Variants in CCNY observed in about 807,000 individuals in gnomAD.
CCNY encodes cyclin Y.
Under a neutral mutation model 42.8 loss-of-function variants are expected in CCNY, and 19 were observed. The observed-to-expected ratio is 0.44, with a 90% CI of 0.31 to 0.65. The LOEUF (loss-of-function observed/expected upper bound fraction) is 0.65. Ranked by LOEUF, CCNY falls within the 30% of genes least tolerant of loss-of-function variation. The pLI is 0.07. For synonymous variants in CCNY, 165 were observed against 162.7 expected (o/e 1.01, Z -0.11); for missense variants, 370 against 437.3 (o/e 0.85, Z 1.37).
intron 1 of CCNY, among the ~76,000 whole-genome samples, chr10:35,362,386 C>A (rs558597123): frequency 6.6e-6 from 1 of 152,070 alleles, no homozygotes; most frequent in African/African-American, 2.4e-5. Flanking sequence ...GTGGTTCTTG[C>A]AAATAGAACA....
At chr10:35,380,744 G>C (rs1837165055) in intron 1 of CCNY, among the ~76,000 whole-genome samples, 3 of 152,296 alleles carry the variant, frequency 2.0e-5, no homozygotes, top group Middle Eastern at 6.8e-3. Flanking sequence ...GGGTCTCCCA[G>C]TCCGCAGCCA....
intron 1 of CCNY, among the ~76,000 whole-genome samples, chr10:35,363,648 G>T (rs1836748800): frequency 1.3e-5 from 2 of 152,196 alleles, no homozygotes; most frequent in African/African-American, 4.8e-5. Flanking sequence ...AAAGGGAGTT[G>T]TAGAAGCAAG....
intron 1 of CCNY, among the ~76,000 whole-genome samples, chr10:35,455,148 A>G (rs892989689): frequency 6.6e-6 from 1 of 152,240 alleles, no homozygotes; most frequent in Non-Finnish European, 1.5e-5. Flanking sequence ...GGTTCATTAT[A>G]TCATGCCAAC....
chr10:35,305,260 G>A (rs1448697184), intron 3 of CCNY, among the ~76,000 whole-genome samples: 2 of 152,090 alleles, frequency 1.3e-5, no homozygotes, highest in African/African-American at 4.8e-5. Flanking sequence ...TTGTACAAGA[G>A]AAAAATTTCC....
At chr10:35,454,591 C>T (rs942869864) in intron 1 of CCNY, among the ~76,000 whole-genome samples, 2 of 152,222 alleles carry the variant, frequency 1.3e-5, no homozygotes, top group Non-Finnish European at 2.9e-5. Context: ...AGTGTCAGTC[C>T]GATGGCTTCC....
chr10:35,265,697 C>T (rs1186363440), intron 3 of CCNY, among the ~76,000 whole-genome samples: 1 of 152,170 alleles, frequency 6.6e-6, no homozygotes. Flanking sequence ...AAGCAGGGCA[C>T]GGGTTGCCTT....
chr10:35,355,084 CT>C (rs1836516105), intron 1 of CCNY, among the ~76,000 whole-genome samples: 6 of 152,112 alleles, frequency 3.9e-5, no homozygotes. Context: ...ATGGCTCCCC[CT>C]ATGAAAGTTG....
At chr10:35,278,237 A>G (rs1835260730) in intron 3 of CCNY, among the ~76,000 whole-genome samples, 1 of 152,132 alleles carries the variant, frequency 6.6e-6, no homozygotes, top group African/African-American at 2.4e-5. Flanking sequence ...AATGCTGATT[A>G]CAGACCAGTA....
At chr10:35,421,039 CTGTT>C (rs1448677713) in intron 1 of CCNY, among the ~76,000 whole-genome samples, 1 of 152,170 alleles carries the variant, frequency 6.6e-6, no homozygotes, top group East Asian at 1.9e-4. Flanking sequence ...GTGGATAGGC[CTGTT>C]TGAAGTCAGG....
intron 1 of CCNY, among the ~76,000 whole-genome samples, chr10:35,399,310 G>C (rs1837592495): frequency 4.6e-4 from 1 of 2,176 alleles, no homozygotes; most frequent in African/African-American, 1.0e-3. Flanking sequence ...CTCTTGGCTT[G>C]ACTGCCCAGG....
intron 1 of CCNY, among the ~76,000 whole-genome samples, chr10:35,358,053 A>G (rs1482069487): frequency 6.6e-6 from 1 of 152,040 alleles, no homozygotes; most frequent in Non-Finnish European, 1.5e-5. Context: ...TTCTGGCAGG[A>G]CATTTGCTTT....
chr10:35,267,344 C>T (rs2095726573), intron 3 of CCNY, among the ~76,000 whole-genome samples: 1 of 151,896 alleles, frequency 6.6e-6, no homozygotes, highest in South Asian at 2.1e-4. Context: ...ATTCCAGCCT[C>T]ATCCTCGGGC....
At position 35,565,008 on chromosome 10, in the gene CCNY, G is replaced by C. The variant is rs377282634; in HGVS notation, c.747-1015G>C. Among the ~76,000 whole-genome samples the C allele has an allele frequency of 5.3e-5, 8 of 151,174 alleles. 1 individual carries two copies. The East Asian group carries it at 7.7e-4, about 15-fold the overall frequency. ...GGCACCCTGTGGGTGGGCACCCCTG[G>C]GGGCTTCCTGGGGAGAACGTGCTGA... On this transcript the variant is annotated intron_variant, in intron 8 of 9. Coordinates refer to ENST00000374704, the MANE Select transcript of CCNY (RefSeq NM_145012.6).
chr10:35,475,442 G>A (rs1222887493), intron 1 of CCNY, among the ~76,000 whole-genome samples: 4 of 151,332 alleles, frequency 2.6e-5, no homozygotes, highest in Non-Finnish European at 4.4e-5. Context: ...CGGATCTCTC[G>A]GCAGAAACCC....
chr10:35,458,883 G>A (rs570336250), intron 1 of CCNY, among the ~76,000 whole-genome samples: 7 of 152,138 alleles, frequency 4.6e-5, no homozygotes, highest in Non-Finnish European at 1.0e-4. Context: ...TCTAAAGAAC[G>A]AGAGAGTGTC....
chr10:35,411,512 C>CCA lies in CCNY; in HGVS notation c.155-71892_155-71891insCA, dbSNP rs764966562. Among the ~76,000 whole-genome samples, 7 of 61,396 alleles carry CCA rather than the reference C, an allele frequency of 1.1e-4. No individual in the cohort carries two copies. The Admixed American group carries it at 1.2e-3, about 10-fold the overall frequency. The allele number at this position is 61,396 out of a possible 152,430, so 40.3% of individuals were successfully genotyped here. A position where few individuals can be genotyped will look rare whatever the true frequency, so the allele number is the denominator to read the frequency against. On this transcript the variant is annotated intron_variant, in intron 1 of 9. Coordinates refer to ENST00000374704, the MANE Select transcript of CCNY (RefSeq NM_145012.6). ...CCTGGGTGACAGAGCAAGACTCTGT[C>CCA]AAAAAAAAAAAAAAAAAAAAAAAGA...
chr10:35,501,355 T>C lies in CCNY; in HGVS notation c.230-146T>C, dbSNP rs113688958. The C allele has an allele frequency of 3.4e-3, 2,290 of 672,288 alleles. 31 individuals carry two copies. The African/African-American group carries it at 0.036, about 11-fold the overall frequency. 41.6% of individuals were successfully genotyped at this position (672,288 alleles called of 1,614,324 possible). Reference sequence around the variant, plus strand: ...TTCAGATCTGCATTTGTGCAGGTCCTGTATTCTTATGTTTGATAAATGAGC... The same window carrying C: ...TTCAGATCTGCATTTGTGCAGGTCCCGTATTCTTATGTTTGATAAATGAGC... On this transcript the variant is annotated intron_variant, in intron 2 of 9. Coordinates refer to ENST00000374704, the MANE Select transcript of CCNY (RefSeq NM_145012.6).
At chr10:35,450,896 A>T (rs1456915335) in intron 1 of CCNY, among the ~76,000 whole-genome samples, 2 of 151,908 alleles carry the variant, frequency 1.3e-5, no homozygotes, top group South Asian at 4.2e-4. Flanking sequence ...TGGAGCAGCT[A>T]CTTCCTCTGG....
At chr10:35,501,411 GA>G in intron 2 of CCNY, 89 bp from the exon 3 acceptor site, 1 of 1,071,882 alleles carries the variant, frequency 9.3e-7, no homozygotes, top group South Asian at 1.3e-5. Flanking sequence ...GGAAGGACGG[GA>G]CCACGACACA....
Sources: gnomAD v4.1 joint callset for allele counts (sites outside exome capture counted in the v4.1 genomes callset) on GRCh38, gnomAD v4.1.1 for gene constraint, MANE v1.5 for transcripts, NCBI Gene and HGNC (gene_info 2026-07-23, HGNC 2026-07-21) for gene names.